Variants in TBCCD1 observed in about 807,000 individuals in gnomAD.
TBCCD1 encodes the protein TBCC domain containing 1.
In TBCCD1, 26 loss-of-function variants were observed where a neutral mutation model predicts 53.4. The observed-to-expected ratio is 0.49, with a 90% CI of 0.36 to 0.68. TBCCD1 has a LOEUF of 0.68. Among genes scored for constraint, TBCCD1 ranks in the 30% least tolerant of loss-of-function variants. The pLI, the probability that TBCCD1 is intolerant of heterozygous loss-of-function variation, is 0.00. For synonymous variants in TBCCD1, 245 were observed against 241.7 expected (o/e 1.01, Z -0.13); for missense variants, 558 against 669.5 (o/e 0.83, Z 1.84).
In TBCCD1 at chr3:186,554,760, A is replaced by AG. The variant is rs768920735; in HGVS notation, c.1047-10dup. 2.0e-5 allele frequency: 32 copies of AG among 1,606,050 alleles called. No individual in the cohort carries two copies. Among genetic ancestry groups the AG allele is most frequent in the Non-Finnish European group, 2.6e-5 (31 of 1,178,202 alleles). On this transcript the variant is annotated splice_polypyrimidine_tract_variant and intron_variant, in intron 5 of 7. Transcript: ENST00000338733. ...TCTCAATTGTCACAGATCTGAAAAA[A>AG]GGAAAAAATGAGGTAAAGTCCTCTG...
intron 2 of TBCCD1, among the ~76,000 whole-genome samples, chr3:186,563,641 A>G (rs1051420870): frequency 6.6e-6 from 1 of 152,254 alleles, no homozygotes. Flanking sequence ...AGGTCTGGTA[A>G]GTAAGGACTA....
intron 3 of TBCCD1, 98 bp downstream of exon 3, chr3:186,558,319 G>T: frequency 7.1e-7 from 1 of 1,402,826 alleles, no homozygotes. Context: ...CAAATCACTG[G>T]CTTATGTAAG....
chr3:186,551,592 T>A (rs1714382513), intron 6 of TBCCD1, among the ~76,000 whole-genome samples: 1 of 152,152 alleles, frequency 6.6e-6, no homozygotes, highest in Non-Finnish European at 1.5e-5. Context: ...GGATGACACT[T>A]CACGACTCCA....
rs1323937959 is a variant in TBCCD1 at position 186,564,041 on chromosome 3, G to A, written c.289C>T (p.Leu97=). 1 of 1,613,854 alleles carries A rather than the reference G, an allele frequency of 6.2e-7. No homozygotes were observed. Among genetic ancestry groups the A allele is most frequent in the African/African-American group, 1.3e-5 (1 of 74,934 alleles). ...PEERLEWSEV[L]SNCMSEEEVE... ...TCCTCCTCAGACATGCAGTTGGACA[G>A]AACCTCAGACCATTCCAGGCGCTCC... Residue 97 remains leucine (L), a synonymous_variant, in exon 2 of 8, where the codon CTG becomes TTG. Coordinates refer to ENST00000338733, the MANE Select transcript of TBCCD1 (RefSeq NM_018138.5).
rs1180633499 is a variant in TBCCD1, at chr3:186,564,204, G to T, written c.126C>A (p.Ile42=). The change falls in exon 2 of 8, where the codon ATC becomes ATA. Residue 42 remains isoleucine (I), a synonymous_variant. Transcript: ENST00000338733. ...YLRKISTYVQ[I]RATEGAYPRL... ...GCGGGTAAGCTCCTTCTGTGGCCCG[G>T]ATTTGCACATAGGTGGATATCTTCC... 6.2e-7 allele frequency: 1 copy of T among 1,614,176 alleles called. No individual in the cohort carries two copies. The highest frequency in any genetic ancestry group is 1.7e-5 in the Admixed American group (1 of 60,026).
upstream of TBCCD1, chr3:186,570,407 G>T: frequency 2.1e-6 from 1 of 480,150 alleles, no homozygotes; most frequent in South Asian, 4.0e-5. Flanking sequence ...GAAAGTCCGA[G>T]GAAGTGGGCA....
chr3:186,554,270 C>T lies in TBCCD1; in HGVS notation c.1528G>A (p.Glu510Lys), dbSNP rs1714458494. 6.2e-7 allele frequency: 1 copy of T among 1,613,136 alleles called. No individual in the cohort carries two copies. Among genetic ancestry groups the T allele is most frequent in the Non-Finnish European group, 8.5e-7 (1 of 1,179,804 alleles). ...KIQIWQKTVK[E>K]AHLTKDQRKQ... is the part of the protein sequence containing the mutation. ...AATACTCACTTTGTCAAATGAGCCTCCTTCACAGTTTTCTGCCAGATCTGT... is the reference window on the plus strand; with the variant it reads ...AATACTCACTTTGTCAAATGAGCCTTCTTCACAGTTTTCTGCCAGATCTGT... The change falls in exon 6 of 8, where the codon GAG (glutamate) becomes AAG (lysine). Residue 510 changes from glutamate (E) to lysine (K), a missense_variant. Glu to Lys is a moderately conservative substitution (Grantham distance 56). Coordinates refer to ENST00000338733, the MANE Select transcript of TBCCD1 (RefSeq NM_018138.5).
At chr3:186,569,126 G>A (rs999843681), upstream of TBCCD1, among the ~76,000 whole-genome samples, 1 of 151,902 alleles carries the variant, frequency 6.6e-6, no homozygotes, top group Non-Finnish European at 1.5e-5. Context: ...GCAGGAATGA[G>A]CTCGGTGTAT....
intron 3 of TBCCD1, among the ~76,000 whole-genome samples, chr3:186,557,960 TC>T (rs1388146313): frequency 6.6e-6 from 1 of 152,168 alleles, no homozygotes; most frequent in Non-Finnish European, 1.5e-5. Context: ...CAATAAGACA[TC>T]CTCTAAAATT....
At chr3:186,549,107 G>A (rs943965474) in intron 7 of TBCCD1, among the ~76,000 whole-genome samples, 1 of 149,334 alleles carries the variant, frequency 6.7e-6, no homozygotes, top group Non-Finnish European at 1.5e-5. Context: ...GGCCATCATG[G>A]TGAAACCTCG....
At chr3:186,550,579 C>T (rs1714343260) in intron 7 of TBCCD1, among the ~76,000 whole-genome samples, 1 of 147,592 alleles carries the variant, frequency 6.8e-6, no homozygotes, top group Non-Finnish European at 1.5e-5. Context: ...GACAGAGACT[C>T]AGTCTCAAAA....
Position 186,558,515 on chromosome 3 carries a change from C to A in TBCCD1, c.394G>T (p.Val132Phe). The change falls in exon 3 of 8, where the codon GTC (valine) becomes TTC (phenylalanine). Residue 132 changes from valine to phenylalanine, a missense_variant. Physicochemically the swap from Val to Phe is conservative, Grantham distance 50 (BLOSUM62 -1). Coordinates refer to ENST00000338733, the MANE Select transcript of TBCCD1 (RefSeq NM_018138.5). Reference sequence around the variant, plus strand: ...CCAATCAAAGATGTCCTTAGGGAGACCTTGTTCAACTGTTGAATGTATAAG... The same window carrying A: ...CCAATCAAAGATGTCCTTAGGGAGAACTTGTTCAACTGTTGAATGTATAAG... The part of the protein sequence containing the change: ...LFLYIQQLNK[V>F]SLRTSLIGEE... 6.2e-7 allele frequency: 1 copy of A among 1,614,110 alleles called. No homozygotes were observed. The highest frequency in any genetic ancestry group is 2.2e-5 in the East Asian group (1 of 44,870).
intron 1 of TBCCD1, among the ~76,000 whole-genome samples, chr3:186,566,687 G>A (rs1008544770): frequency 1.3e-5 from 2 of 152,182 alleles, no homozygotes; most frequent in African/African-American, 4.8e-5. Context: ...AGAATTTCCA[G>A]AATAAAGAGT....
chr3:186,564,887 A>G (rs2108465138), intron 1 of TBCCD1, among the ~76,000 whole-genome samples: 1 of 152,320 alleles, frequency 6.6e-6, no homozygotes, highest in East Asian at 1.9e-4. Flanking sequence ...GCAAGAATAG[A>G]TCAGGAGAAG....
At chr3:186,553,604 C>G (rs1271955758) in intron 6 of TBCCD1, 1 of 152,186 alleles carries the variant, frequency 6.6e-6, no homozygotes, top group Non-Finnish European at 1.5e-5. Context: ...GTTTCCTCAC[C>G]TGTAATAAGG....
chr3:186,564,143 C>T lies in TBCCD1; in HGVS notation c.187G>A (p.Gly63Arg), dbSNP rs1714759618. Reference sequence around the variant, plus strand: ...AGGTCCTTGGCCAACTGCAGCTTCCCACAAGCGATGTGCCTCCATGTAGAC... The same window carrying T: ...AGGTCCTTGGCCAACTGCAGCTTCCTACAAGCGATGTGCCTCCATGTAGAC... ...YWSTWRHIAC[G>R]KLQLAKDLAW... Residue 63 changes from glycine to arginine, a missense_variant, in exon 2 of 8, where the codon GGG becomes AGG. Coordinates refer to ENST00000338733, the MANE Select transcript of TBCCD1 (RefSeq NM_018138.5). The T allele has an allele frequency of 6.2e-7, 1 of 1,614,186 alleles. No individual in the cohort carries two copies. Among genetic ancestry groups the T allele is most frequent in the Admixed American group, 1.7e-5 (1 of 60,020 alleles).
intron 1 of TBCCD1, among the ~76,000 whole-genome samples, chr3:186,564,599 G>T (rs1442175777): frequency 1.3e-5 from 2 of 152,122 alleles, no homozygotes; most frequent in Non-Finnish European, 2.9e-5. Context: ...TGAATTGTTA[G>T]AAATCCTTGT....
At chr3:186,562,507 G>T (rs1226049407) in intron 2 of TBCCD1, among the ~76,000 whole-genome samples, 1 of 152,098 alleles carries the variant, frequency 6.6e-6, no homozygotes, top group Non-Finnish European at 1.5e-5. Context: ...CAGACAGAAG[G>T]GTGACTGACA....
upstream of TBCCD1, among the ~76,000 whole-genome samples, chr3:186,569,135 A>C (rs1479536961): frequency 1.3e-5 from 2 of 152,008 alleles, no homozygotes; most frequent in East Asian, 1.9e-4. Context: ...AGCTCGGTGT[A>C]TACAAAAAAA....
Sources: gnomAD v4.1 joint callset for allele counts (sites outside exome capture counted in the v4.1 genomes callset) on GRCh38, gnomAD v4.1.1 for gene constraint, MANE v1.5 for transcripts, NCBI Gene and HGNC (gene_info 2026-07-23, HGNC 2026-07-21) for gene names.